Variants in CALN1 observed in about 807,000 individuals in gnomAD.
CALN1 encodes the protein calcium-binding protein 8.
CALN1 carries 17 observed loss-of-function variants against 30.6 expected under a neutral mutation model. The observed-to-expected ratio is 0.56, with a 90% confidence interval of 0.38 to 0.83. CALN1 has a LOEUF of 0.83. CALN1 is among the 40% of genes least tolerant of loss of function. The pLI is 0.00. For missense variants in CALN1, 291 were observed against 354.9 expected (o/e 0.82, Z 1.45); for synonymous variants, 156 against 131.4 (o/e 1.19, Z -1.28).
At chr7:72,015,540 G>A (rs58064021) in intron 5 of CALN1, among the ~76,000 whole-genome samples, 21,792 of 151,458 alleles carry the variant, frequency 0.14, 2,481 homozygotes, top group East Asian at 0.34. Context: ...CCTGGATTCC[G>A]ACAATGTCCT....
At chr7:72,484,470 A>G in the CALN1 span, among the ~76,000 whole-genome samples, 1 of 152,198 alleles carries the variant, frequency 6.6e-6, no homozygotes, top group Non-Finnish European at 1.5e-5. Context: ...CACTATTCCC[A>G]GTCCTGCGTG....
chr7:71,980,204 TGAGAC>T (rs1798322839), intron 5 of CALN1, among the ~76,000 whole-genome samples: 1 of 144,364 alleles, frequency 6.9e-6, no homozygotes, highest in African/African-American at 2.6e-5. Flanking sequence ...TTTTTTTTTT[TGAGAC>T]AGAGTCTCAC....
intron 3 of CALN1, among the ~76,000 whole-genome samples, chr7:72,173,973 G>T (rs1789159515): frequency 1.3e-5 from 2 of 151,510 alleles, no homozygotes; most frequent in Non-Finnish European, 1.5e-5. Flanking sequence ...GTCTTTAAAG[G>T]CCACTGTTGA....
Position 72,412,249 on chromosome 7 carries a change from T to A in CALN1, c.-265A>T, listed in dbSNP as rs529952813. 1 of 152,098 alleles carries A rather than the reference T, an allele frequency of 6.6e-6. No individual in the cohort carries two copies. Among genetic ancestry groups the A allele is most frequent in the African/African-American group, 2.4e-5 (1 of 41,392 alleles). 9.4% of individuals were successfully genotyped at this position (152,098 alleles called of 1,614,324 possible). ...AGACCGCGGCCGTGAGCTTTAAAGG[T>A]GGCGCGGACCCAGAGTAAGCAGTAA... is the stretch of plus-strand genomic sequence containing the variant. On this transcript the variant is annotated 5_prime_UTR_variant, in exon 1 of 7. Coordinates refer to ENST00000395275, the MANE Select transcript of CALN1 (RefSeq NM_031468.4).
chr7:72,380,279 C>G (rs999981872), intron 2 of CALN1, among the ~76,000 whole-genome samples: 4 of 152,132 alleles, frequency 2.6e-5, no homozygotes, highest in Non-Finnish European at 5.9e-5. Flanking sequence ...TGAGAAGACA[C>G]TGCAACACAC....
intron 3 of CALN1, among the ~76,000 whole-genome samples, chr7:72,222,253 GA>G (rs1793362724): frequency 1.3e-5 from 2 of 151,844 alleles, no homozygotes; most frequent in African/African-American, 4.8e-5. Flanking sequence ...AAGAAAGAAA[GA>G]AAAAAGGAAA....
intron 2 of CALN1, among the ~76,000 whole-genome samples, chr7:72,357,830 T>G (rs928572311): frequency 6.8e-6 from 1 of 146,658 alleles, no homozygotes; most frequent in African/African-American, 2.5e-5. Context: ...ATATATATTT[T>G]TATATATTTA....
At chr7:72,409,962 T>C (rs778007579) in intron 1 of CALN1, among the ~76,000 whole-genome samples, 2 of 152,236 alleles carry the variant, frequency 1.3e-5, no homozygotes, top group African/African-American at 2.4e-5. Context: ...CTTGGTCCTT[T>C]CCTCTAAAAC....
intron 5 of CALN1, among the ~76,000 whole-genome samples, chr7:71,815,671 G>A (rs1410988290): frequency 6.6e-6 from 1 of 152,056 alleles, no homozygotes; most frequent in South Asian, 2.1e-4. Flanking sequence ...GAGGAAGGAA[G>A]TTTTAGACTC....
intron 3 of CALN1, among the ~76,000 whole-genome samples, chr7:72,138,062 T>C (rs1809631649): frequency 6.6e-6 from 1 of 152,322 alleles, no homozygotes; most frequent in South Asian, 2.1e-4. Flanking sequence ...CTTAATTATA[T>C]CCATGTGGTG....
chr7:71,882,038 T>C (rs1015083424), intron 5 of CALN1, among the ~76,000 whole-genome samples: 3 of 152,246 alleles, frequency 2.0e-5, no homozygotes, highest in Admixed American at 6.5e-5. Context: ...GCTACTGGAC[T>C]CCAGCCTGAC....
At chr7:72,317,086 G>C (rs142446568) in intron 2 of CALN1, among the ~76,000 whole-genome samples, 6 of 143,248 alleles carry the variant, frequency 4.2e-5, no homozygotes, top group Non-Finnish European at 7.6e-5. Flanking sequence ...CAGAAAGAGA[G>C]AGAGAGAGGG....
At chr7:71,808,266 G>A (rs1399967325) in intron 6 of CALN1, among the ~76,000 whole-genome samples, 3 of 148,330 alleles carry the variant, frequency 2.0e-5, no homozygotes, top group African/African-American at 7.5e-5. Flanking sequence ...GCAGTGCCTG[G>A]GCTAATAGTT....
intron 3 of CALN1, among the ~76,000 whole-genome samples, chr7:72,166,591 T>A (rs956288250): frequency 3.3e-5 from 5 of 152,188 alleles, no homozygotes; most frequent in Non-Finnish European, 7.3e-5. Flanking sequence ...TTGATAAAAC[T>A]AACAACTACC....
chr7:72,254,572 A>G (rs915895208), intron 3 of CALN1, among the ~76,000 whole-genome samples: 1 of 152,102 alleles, frequency 6.6e-6, no homozygotes, highest in Admixed American at 6.5e-5. Flanking sequence ...AGGGCAAAAA[A>G]CACATTATAA....
chr7:72,021,454 G>T (rs1186811736), intron 5 of CALN1, among the ~76,000 whole-genome samples: 1 of 152,038 alleles, frequency 6.6e-6, no homozygotes, highest in Non-Finnish European at 1.5e-5. Context: ...TGAACTCTGG[G>T]GTCATTTCTT....
chr7:72,036,549 T>G (rs1034072949), intron 4 of CALN1, among the ~76,000 whole-genome samples: 3 of 152,174 alleles, frequency 2.0e-5, no homozygotes, highest in Non-Finnish European at 4.4e-5. Context: ...ATTTCCCCAG[T>G]CTTGGTAATT....
chr7:72,407,264 G>T (rs1256450429), intron 1 of CALN1, among the ~76,000 whole-genome samples: 1 of 152,188 alleles, frequency 6.6e-6, no homozygotes, highest in African/African-American at 2.4e-5. Context: ...AAATGAACCT[G>T]ATAATAACAC....
At chr7:72,230,894 A>G (rs1411012771) in intron 3 of CALN1, among the ~76,000 whole-genome samples, 1 of 152,234 alleles carries the variant, frequency 6.6e-6, no homozygotes, top group East Asian at 1.9e-4. Context: ...GAGTTCAACC[A>G]CATTCCAAAA....
Sources: gnomAD v4.1 joint callset for allele counts (sites outside exome capture counted in the v4.1 genomes callset) on GRCh38, gnomAD v4.1.1 for gene constraint, MANE v1.5 for transcripts, NCBI Gene and HGNC (gene_info 2026-07-23, HGNC 2026-07-21) for gene names.